Variants in PSD3 observed in about 807,000 individuals in gnomAD.
PSD3 encodes pleckstrin and Sec7 domain containing 3, also known as PH and SEC7 domain-containing protein 3.
PSD3 carries 49 observed loss-of-function variants against 105.5 expected under a neutral mutation model. That is an observed-to-expected ratio of 0.46 (90% CI 0.37 to 0.59). The LOEUF (loss-of-function observed/expected upper bound fraction) is 0.59, where lower values mean the gene tolerates loss of function less well. PSD3 is among the 20% of genes least tolerant of loss of function. The pLI is 0.00. For synonymous variants in PSD3, 557 were observed against 457.8 expected (o/e 1.22, Z -2.77); for missense variants, 1,561 against 1,263.8 (o/e 1.24, Z -3.57).
intron 9 of PSD3, among the ~76,000 whole-genome samples, chr8:18,735,166 C>G (rs1258819363): frequency 6.6e-6 from 1 of 152,146 alleles, no homozygotes; most frequent in African/African-American, 2.4e-5. Flanking sequence ...GTTCTCTCCT[C>G]TGATCATCAG....
At chr8:18,711,114 G>A (rs77949321) in intron 9 of PSD3, among the ~76,000 whole-genome samples, 4 of 152,178 alleles carry the variant, frequency 2.6e-5, no homozygotes, top group African/African-American at 9.7e-5. Flanking sequence ...CACCAGACCT[G>A]CCTTGCAAGA....
At chr8:18,637,948 G>A (rs1003675617) in intron 10 of PSD3, among the ~76,000 whole-genome samples, 2 of 152,008 alleles carry the variant, frequency 1.3e-5, no homozygotes, top group African/African-American at 2.4e-5. Flanking sequence ...ACAAGGTCAG[G>A]AGTTCAAGAC....
intron 4 of PSD3, among the ~76,000 whole-genome samples, chr8:18,828,048 T>C (rs1188425377): frequency 1.9e-5 from 2 of 103,882 alleles, no homozygotes; most frequent in Non-Finnish European, 3.8e-5. Context: ...TATATATATG[T>C]ATATATATAT....
intron 2 of PSD3, among the ~76,000 whole-genome samples, chr8:18,885,824 C>T (rs766978261): frequency 2.0e-5 from 3 of 152,114 alleles, no homozygotes; most frequent in Admixed American, 6.5e-5. Context: ...ACTATAAAAG[C>T]GACACTTTTA....
At chr8:18,842,607 C>T (rs552950352) in intron 4 of PSD3, among the ~76,000 whole-genome samples, 9 of 152,196 alleles carry the variant, frequency 5.9e-5, no homozygotes, top group African/African-American at 1.7e-4. Flanking sequence ...GTGGGAGGCA[C>T]CTGTAGTCCC....
intron 8 of PSD3, among the ~76,000 whole-genome samples, chr8:18,795,864 T>A (rs911592685): frequency 1.3e-5 from 2 of 152,224 alleles, no homozygotes; most frequent in African/African-American, 4.8e-5. Context: ...TTTCAACTCT[T>A]ACCTTGTTGA....
chr8:18,958,034 T>C (rs187200645), intron 1 of PSD3, among the ~76,000 whole-genome samples: 1 of 152,262 alleles, frequency 6.6e-6, no homozygotes, highest in East Asian at 1.9e-4. Context: ...CTTAATAATT[T>C]ATTCCACAGA....
At chr8:18,809,499 C>G (rs553390786) in intron 4 of PSD3, among the ~76,000 whole-genome samples, 15 of 152,184 alleles carry the variant, frequency 9.9e-5, no homozygotes, top group Non-Finnish European at 2.2e-4. Context: ...AAATAGGGTA[C>G]CCAATAAAAT....
intron 2 of PSD3, among the ~76,000 whole-genome samples, chr8:18,886,560 T>C (rs1318582970): frequency 2.0e-5 from 3 of 152,094 alleles, no homozygotes; most frequent in Non-Finnish European, 2.9e-5. Context: ...GAAATAGATA[T>C]ATAAAAATAT....
intron 1 of PSD3, among the ~76,000 whole-genome samples, chr8:19,009,756 T>C (rs1460917843): frequency 6.6e-6 from 1 of 152,052 alleles, no homozygotes; most frequent in Non-Finnish European, 1.5e-5. Flanking sequence ...CTGGGCGCAG[T>C]GGCGTGTACC....
intron 9 of PSD3, among the ~76,000 whole-genome samples, chr8:18,711,602 A>G (rs1365186204): frequency 1.3e-5 from 2 of 152,354 alleles, no homozygotes; most frequent in Non-Finnish European, 1.5e-5. Flanking sequence ...ATATGCACCT[A>G]ATACAGGAGC....
At chr8:18,645,161 A>G (rs2130812415) in intron 10 of PSD3, among the ~76,000 whole-genome samples, 1 of 152,314 alleles carries the variant, frequency 6.6e-6, no homozygotes, top group East Asian at 1.9e-4. Flanking sequence ...ATTAGGTGTT[A>G]CCTCCTAACA....
intron 1 of PSD3, among the ~76,000 whole-genome samples, chr8:19,009,043 A>G (rs577881269): frequency 6.6e-6 from 1 of 152,370 alleles, no homozygotes; most frequent in African/African-American, 2.4e-5. Flanking sequence ...TTCCATTTTA[A>G]TTTGTTAATC....
At chr8:19,043,564 T>C (rs1828204938) in intron 1 of PSD3, among the ~76,000 whole-genome samples, 2 of 152,294 alleles carry the variant, frequency 1.3e-5, no homozygotes, top group South Asian at 4.1e-4. Flanking sequence ...GGCATTTCTA[T>C]GGTTTGAGCG....
intron 15 of PSD3, among the ~76,000 whole-genome samples, chr8:18,541,750 A>C (rs1256103120): frequency 6.6e-6 from 1 of 150,692 alleles, no homozygotes; most frequent in African/African-American, 2.4e-5. Flanking sequence ...TTTTCTGAGA[A>C]TCTTTTTTTT....
chr8:18,807,861 A>G (rs2129448028), intron 4 of PSD3, among the ~76,000 whole-genome samples: 1 of 152,294 alleles, frequency 6.6e-6, no homozygotes, highest in African/African-American at 2.4e-5. Flanking sequence ...ATCCCTGCAC[A>G]CTGGGAAGCC....
chr8:19,044,481 C>T (rs577096128), intron 1 of PSD3, among the ~76,000 whole-genome samples: 2 of 152,286 alleles, frequency 1.3e-5, no homozygotes, highest in South Asian at 4.2e-4. Context: ...ATGTGTTAAT[C>T]CCTACATGAT....
intron 9 of PSD3, among the ~76,000 whole-genome samples, chr8:18,705,891 A>G (rs1290863544): frequency 6.6e-6 from 1 of 152,178 alleles, no homozygotes; most frequent in East Asian, 1.9e-4. Context: ...TGTGATCAAG[A>G]GTATCAAAAA....
At chr8:18,841,356 G>A (rs1250033569) in intron 4 of PSD3, among the ~76,000 whole-genome samples, 1 of 152,136 alleles carries the variant, frequency 6.6e-6, no homozygotes, top group South Asian at 2.1e-4. Context: ...CCCAGAGAGT[G>A]GAGCTCAGCA....
Sources: gnomAD v4.1 joint callset for allele counts (sites outside exome capture counted in the v4.1 genomes callset) on GRCh38, gnomAD v4.1.1 for gene constraint, MANE v1.5 for transcripts, NCBI Gene and HGNC (gene_info 2026-07-23, HGNC 2026-07-21) for gene names.